PLCL2: variants seen among roughly 807,000 people sequenced by gnomAD.
The protein encoded by PLCL2 is phospholipase C like 2, also known as inactive phospholipase C-like protein 2.
PLCL2 carries 4 observed loss-of-function variants against 79.6 expected under a neutral mutation model. The observed-to-expected ratio is 0.05, with a 90% CI of 0.02 to 0.11. The LOEUF (loss-of-function observed/expected upper bound fraction) is 0.11, where lower values mean the gene tolerates loss of function less well. Among genes scored for constraint, PLCL2 ranks in the 10% least tolerant of loss-of-function variants. The pLI is 1.00. For missense variants in PLCL2, 895 were observed against 1,291.0 expected (o/e 0.69, Z 4.70); for synonymous variants, 484 against 457.7 (o/e 1.06, Z -0.73).
At chr3:17,079,230 C>T (rs1559290400) in intron 5 of PLCL2, among the ~76,000 whole-genome samples, 1 of 152,154 alleles carries the variant, frequency 6.6e-6, no homozygotes, top group Non-Finnish European at 1.5e-5. Context: ...ACAGCTGGGC[C>T]ACCCTCCCCT....
chr3:16,974,529 TA>T (rs1400861108), intron 1 of PLCL2, among the ~76,000 whole-genome samples: 1 of 152,176 alleles, frequency 6.6e-6, no homozygotes, highest in East Asian at 1.9e-4. Flanking sequence ...CAGCTATGTC[TA>T]GTTTGCTACA....
chr3:17,065,843 C>T (rs2065004586), intron 4 of PLCL2, among the ~76,000 whole-genome samples: 4 of 152,206 alleles, frequency 2.6e-5, no homozygotes, highest in Admixed American at 2.6e-4. Context: ...GCTACCCCCT[C>T]CCTCCCACTC....
chr3:16,945,331 A>G (rs2063591685), intron 1 of PLCL2, among the ~76,000 whole-genome samples: 1 of 152,078 alleles, frequency 6.6e-6, no homozygotes, highest in South Asian at 2.1e-4. Flanking sequence ...TATATTATAT[A>G]TCTTACATGC....
rs544755721 is a variant in PLCL2 at position 16,984,863 on chromosome 3, C to T, written c.328-24811C>T. Reference sequence around the variant, plus strand: ...AGGATAATGATGTGAACCTGGAAGGCGGAGCTTGCAGTGAGCCAAGATCAC... The same window carrying T: ...AGGATAATGATGTGAACCTGGAAGGTGGAGCTTGCAGTGAGCCAAGATCAC... On this transcript the variant is annotated intron_variant, in intron 1 of 5. Transcript: ENST00000615277. 7.2e-4 allele frequency among the ~76,000 whole-genome samples: 109 copies of T among 152,024 alleles called. 1 individual carries two copies. In the East Asian group the frequency reaches 7.7e-3, roughly 11 times the overall value.
chr3:16,919,728 A>T (rs1158424047), intron 1 of PLCL2, among the ~76,000 whole-genome samples: 1 of 151,826 alleles, frequency 6.6e-6, no homozygotes, highest in African/African-American at 2.4e-5. Context: ...CCTTTTTTGG[A>T]GTCTGGTTGA....
At chr3:16,897,124 C>A (rs983709967) in intron 1 of PLCL2, among the ~76,000 whole-genome samples, 4 of 151,952 alleles carry the variant, frequency 2.6e-5, no homozygotes, top group Non-Finnish European at 4.4e-5. Flanking sequence ...CTTAACTTGC[C>A]GCGGTGGAGT....
At chr3:16,956,929 T>A (rs1053959103) in intron 1 of PLCL2, among the ~76,000 whole-genome samples, 9 of 152,148 alleles carry the variant, frequency 5.9e-5, no homozygotes, top group Non-Finnish European at 1.0e-4. Context: ...TTTTCTTCTT[T>A]ATTAGTCTTG....
At chr3:17,051,713 A>G (rs1430927466) in intron 4 of PLCL2, among the ~76,000 whole-genome samples, 2 of 152,214 alleles carry the variant, frequency 1.3e-5, no homozygotes, top group Non-Finnish European at 2.9e-5. Context: ...AAGGGGAAAG[A>G]TAAACACCAG....
At chr3:17,019,636 TA>T (rs1245818412) in intron 3 of PLCL2, among the ~76,000 whole-genome samples, 1 of 152,146 alleles carries the variant, frequency 6.6e-6, no homozygotes, top group African/African-American at 2.4e-5. Context: ...TTGTGCCCCA[TA>T]AAGATAGAAA....
At chr3:16,888,389 T>G (rs1171994132) in intron 1 of PLCL2, among the ~76,000 whole-genome samples, 2 of 152,208 alleles carry the variant, frequency 1.3e-5, no homozygotes, top group African/African-American at 4.8e-5. Flanking sequence ...AAATTCAGAG[T>G]GAGCAGCTTT....
At chr3:16,951,573 T>G (rs1206735972) in intron 1 of PLCL2, among the ~76,000 whole-genome samples, 1 of 152,060 alleles carries the variant, frequency 6.6e-6, no homozygotes, top group Non-Finnish European at 1.5e-5. Context: ...CTTTCTCTTG[T>G]TTTTAACTTT....
At chr3:17,083,581 T>C (rs1246280779) in intron 5 of PLCL2, among the ~76,000 whole-genome samples, 1 of 152,196 alleles carries the variant, frequency 6.6e-6, no homozygotes, top group African/African-American at 2.4e-5. Flanking sequence ...GCTGTCACGT[T>C]GAACATGGAG....
chr3:17,076,515 A>AT (rs1553652395), intron 5 of PLCL2, among the ~76,000 whole-genome samples: 1 of 151,678 alleles, frequency 6.6e-6, no homozygotes, highest in Non-Finnish European at 1.5e-5. Context: ...TTAAAAAAAA[A>AT]TTTTTTTGAG....
At chr3:17,063,244 G>T (rs188647684) in intron 4 of PLCL2, among the ~76,000 whole-genome samples, 5 of 6,428 alleles carry the variant, frequency 7.8e-4, no homozygotes, top group Non-Finnish European at 7.1e-4. Flanking sequence ...CTCCCTCCCT[G>T]CCTTCCTCCC....
chr3:16,975,108 T>A (rs937722777), intron 1 of PLCL2, among the ~76,000 whole-genome samples: 2 of 152,172 alleles, frequency 1.3e-5, no homozygotes, highest in African/African-American at 4.8e-5. Flanking sequence ...CAGTCTGGGC[T>A]CCAAGACTAT....
chr3:16,899,093 G>C (rs1013838830), intron 1 of PLCL2, among the ~76,000 whole-genome samples: 12 of 152,262 alleles, frequency 7.9e-5, no homozygotes, highest in African/African-American at 2.9e-4. Flanking sequence ...GTAAGCTGCA[G>C]AGTGCTGTGT....
chr3:17,052,254 T>TA (rs2064849222), intron 4 of PLCL2, among the ~76,000 whole-genome samples: 2 of 78,306 alleles, frequency 2.6e-5, no homozygotes, highest in Admixed American at 1.3e-4. Flanking sequence ...AAAAAAAAAA[T>TA]TGGGGGGGGG....
intron 5 of PLCL2, among the ~76,000 whole-genome samples, chr3:17,085,192 T>A (rs1245797415): frequency 2.0e-5 from 3 of 152,160 alleles, no homozygotes; most frequent in Non-Finnish European, 4.4e-5. Context: ...TGGAGTGTAC[T>A]GGCATGATCA....
intron 5 of PLCL2, among the ~76,000 whole-genome samples, chr3:17,086,612 C>G (rs1673056617): frequency 6.6e-6 from 1 of 152,164 alleles, no homozygotes; most frequent in South Asian, 2.1e-4. Context: ...AACTTCTGCT[C>G]TATAAAGACA....
Sources: gnomAD v4.1 joint callset for allele counts (sites outside exome capture counted in the v4.1 genomes callset) on GRCh38, gnomAD v4.1.1 for gene constraint, MANE v1.5 for transcripts, NCBI Gene and HGNC (gene_info 2026-07-23, HGNC 2026-07-21) for gene names.